The following FAM167A variants were observed in gnomAD, a reference collection of about 807,000 sequenced individuals.
FAM167A encodes family with sequence similarity 167 member A.
Under a neutral mutation model 14.9 loss-of-function variants are expected in FAM167A, and 23 were observed. The observed-to-expected ratio is 1.55, with a 90% CI of 1.11 to 2.19. FAM167A has a LOEUF of 2.19. Among genes scored for constraint, FAM167A ranks in the 30% most tolerant of loss-of-function variants. The pLI is 0.00. For missense variants in FAM167A, 401 were observed against 281.5 expected (o/e 1.42, Z -3.04); for synonymous variants, 174 against 117.7 (o/e 1.48, Z -3.10).
rs770006616 is a variant in FAM167A, at chr8:11,444,124, C to G, written c.288G>C (p.Arg96Ser). Residue 96 changes from arginine to serine, a missense_variant, in exon 2 of 3, where the codon AGG (arginine) becomes AGC (serine). By Grantham distance (110) the Arg-to-Ser change is moderately radical (BLOSUM62 -1). Transcript: ENST00000284486. ...GGGGTCTGGCACCTTGGCTGGCACTCCTGGCAGAAGGGGGGTGCTGCCCAG... is the reference window on the plus strand; with the variant it reads ...GGGGTCTGGCACCTTGGCTGGCACTGCTGGCAGAAGGGGGGTGCTGCCCAG... ...REAGQHPPSA[R>S]SASQGARPLS... 63 of 1,613,226 alleles carry G rather than the reference C, an allele frequency of 3.9e-5. No individual in the cohort carries two copies. Among genetic ancestry groups the G allele is most frequent in the Middle Eastern group, 1.6e-4 (1 of 6,084 alleles).
intron 2 of FAM167A, among the ~76,000 whole-genome samples, chr8:11,442,049 C>T (rs972752516): frequency 3.3e-5 from 5 of 152,192 alleles, no homozygotes; most frequent in Non-Finnish European, 5.9e-5. Context: ...TGCTAATATT[C>T]CCTTTACCCT....
chr8:11,461,895 C>T (rs1243259598), intron 1 of FAM167A, among the ~76,000 whole-genome samples: 5 of 152,236 alleles, frequency 3.3e-5, no homozygotes, highest in African/African-American at 1.2e-4. Context: ...CAACTGGGCA[C>T]CTCCACGTTC....
At chr8:11,461,708 T>A (rs756526703) in intron 1 of FAM167A, among the ~76,000 whole-genome samples, 1 of 152,332 alleles carries the variant, frequency 6.6e-6, no homozygotes, top group South Asian at 2.1e-4. Context: ...CTAGGACTAT[T>A]TGAATCCACA....
At position 11,422,009 on chromosome 8, in the gene FAM167A, G is replaced by C. The variant is rs983279122; in HGVS notation, c.*2364C>G. On this transcript the variant is annotated 3_prime_UTR_variant, in exon 3 of 3. Transcript: ENST00000284486. ...CTGTCCCCCTCCACTTCTCATCTTG[G>C]GTCACCTCCTCATCCCATAATAAAG... The C allele has an allele frequency of 2.5e-6, 1 of 395,000 alleles. No individual in the cohort carries two copies. Among genetic ancestry groups the C allele is most frequent in the Non-Finnish European group, 4.5e-6 (1 of 224,540 alleles). The allele number at this position is 395,000 out of a possible 1,614,324, so 24.5% of individuals were successfully genotyped here. A position where few individuals can be genotyped will look rare whatever the true frequency, so the allele number is the denominator to read the frequency against.
chr8:11,451,160 C>A (rs1327319496), intron 1 of FAM167A, among the ~76,000 whole-genome samples: 2 of 152,202 alleles, frequency 1.3e-5, no homozygotes, highest in Non-Finnish European at 2.9e-5. Flanking sequence ...GTGTCAGAAC[C>A]ACTCAGAGGC....
intron 1 of FAM167A, among the ~76,000 whole-genome samples, chr8:11,457,337 G>T (rs1022137956): frequency 2.6e-5 from 4 of 151,922 alleles, no homozygotes; most frequent in African/African-American, 9.7e-5. Flanking sequence ...GTGAGAACTC[G>T]GCAGTCTCTT....
chr8:11,438,130 GTGCTGAATGGACATGGGGC>G (rs1489533823), intron 2 of FAM167A: 3 of 456,558 alleles, frequency 6.6e-6, no homozygotes, highest in South Asian at 4.6e-5. Flanking sequence ...GAGGCCGGTA[GTGCTGAATGGACATGGGGC>G]TGGATGAAAA....
chr8:11,437,350 G>A (rs1469528041), intron 2 of FAM167A, among the ~76,000 whole-genome samples: 1 of 152,182 alleles, frequency 6.6e-6, no homozygotes, highest in Non-Finnish European at 1.5e-5. Context: ...GCGTAATACA[G>A]TACCCAACCA....
chr8:11,452,167 G>T (rs1807053198), intron 1 of FAM167A, among the ~76,000 whole-genome samples: 2 of 152,204 alleles, frequency 1.3e-5, no homozygotes, highest in Admixed American at 1.3e-4. Flanking sequence ...TCCTCCTAAT[G>T]AAATCTTACT....
intron 2 of FAM167A, among the ~76,000 whole-genome samples, chr8:11,443,141 A>C (rs1806536949): frequency 6.6e-6 from 1 of 152,130 alleles, no homozygotes; most frequent in African/African-American, 2.4e-5. Context: ...GGGGTGGGGC[A>C]GGGGTTGAGA....
chr8:11,458,021 G>C (rs1402198094), intron 1 of FAM167A, among the ~76,000 whole-genome samples: 1 of 152,156 alleles, frequency 6.6e-6, no homozygotes, highest in Non-Finnish European at 1.5e-5. Flanking sequence ...ACGCTGATGC[G>C]GTGAAGTCAG....
chr8:11,464,822 G>C (rs1269384180), intron 1 of FAM167A, among the ~76,000 whole-genome samples: 2 of 152,200 alleles, frequency 1.3e-5, no homozygotes, highest in Non-Finnish European at 2.9e-5. Flanking sequence ...CTAGCAAGTA[G>C]TTTCTTCCTC....
Position 11,424,056 on chromosome 8 carries a change from T to C in FAM167A, c.*317A>G. ...AATCCCAGTTCATAGCACCAGTGAT[T>C]CCAGGAAACAGGAACGTGACCGTGG... On this transcript the variant is annotated 3_prime_UTR_variant, in exon 3 of 3. Coordinates refer to ENST00000284486, the MANE Select transcript of FAM167A (RefSeq NM_053279.3). 1 of 291,458 alleles carries C rather than the reference T, an allele frequency of 3.4e-6. No homozygotes were observed. Among genetic ancestry groups the C allele is most frequent in the South Asian group, 6.5e-5 (1 of 15,438 alleles). The allele number at this position is 291,458 out of a possible 1,614,324, so 18.1% of individuals were successfully genotyped here. A position where few individuals can be genotyped will look rare whatever the true frequency, so the allele number is the denominator to read the frequency against.
intron 1 of FAM167A, among the ~76,000 whole-genome samples, chr8:11,456,987 G>A (rs1382651236): frequency 8.1e-5 from 3 of 37,008 alleles, no homozygotes; most frequent in Non-Finnish European, 1.9e-4. Flanking sequence ...TAGGGATGTA[G>A]GTGGGGCTGG....
Position 11,424,532 on chromosome 8 carries a change from C to A in FAM167A, c.486G>T (p.Arg162Ser). The A allele has an allele frequency of 1.9e-6, 3 of 1,614,228 alleles. No homozygotes were observed. The highest frequency in any genetic ancestry group is 2.5e-6 in the Non-Finnish European group (3 of 1,180,036). ...KIEHTCRLHR[R>S]MLNDATYELE... ...GCTCGTAGGTGGCATCGTTGAGCAT[C>A]CTCCTGTGGAGGCGGCAGGTGTGTT... Residue 162 changes from arginine (R) to serine (S), a missense_variant, in exon 3 of 3, where the codon AGG becomes AGT. Coordinates refer to ENST00000284486, the MANE Select transcript of FAM167A (RefSeq NM_053279.3).
At chr8:11,437,535 G>T (rs1352146573) in intron 2 of FAM167A, among the ~76,000 whole-genome samples, 1 of 152,178 alleles carries the variant, frequency 6.6e-6, no homozygotes, top group Non-Finnish European at 1.5e-5. Context: ...ACTTGAAGTT[G>T]AATCTAATTA....
At chr8:11,470,398 C>T (rs965454522), upstream of FAM167A, among the ~76,000 whole-genome samples, 1 of 152,116 alleles carries the variant, frequency 6.6e-6, no homozygotes. Context: ...AGCATGGATG[C>T]CTCGAGGCCA....
At chr8:11,427,871 T>C (rs1003141811) in intron 2 of FAM167A, among the ~76,000 whole-genome samples, 5 of 152,220 alleles carry the variant, frequency 3.3e-5, no homozygotes, top group Non-Finnish European at 7.3e-5. Flanking sequence ...TTAAATTCTA[T>C]TGACCTAGAA....
chr8:11,425,585 C>G (rs1291065772), intron 2 of FAM167A, among the ~76,000 whole-genome samples: 3 of 152,150 alleles, frequency 2.0e-5, no homozygotes, highest in African/African-American at 7.2e-5. Context: ...AACAAGCCCG[C>G]TCTTCATCAA....
Sources: allele counts gnomAD v4.1 joint callset (sites outside exome capture counted in the v4.1 genomes callset), GRCh38; gene constraint gnomAD v4.1.1; transcripts MANE v1.5; gene names NCBI Gene and HGNC (gene_info 2026-07-23, HGNC 2026-07-21).